The following PATJ variants were observed in gnomAD, a reference collection of about 807,000 sequenced individuals.
PATJ encodes the protein inaD-like protein.
Under a neutral mutation model 224.9 loss-of-function variants are expected in PATJ, and 190 were observed. That is an observed-to-expected ratio of 0.84 (90% CI 0.75 to 0.95). The LOEUF (loss-of-function observed/expected upper bound fraction) is 0.95, where lower values mean the gene tolerates loss of function less well. Ranked by LOEUF, PATJ falls within the 40% of genes least tolerant of loss-of-function variation. The pLI, the probability that PATJ is intolerant of heterozygous loss-of-function variation, is 0.00. For synonymous variants in PATJ, 769 were observed against 820.3 expected, an observed-to-expected ratio of 0.94 and a Z score of 1.07; for missense variants, 2,121 against 2,270.3, an observed-to-expected ratio of 0.93 and a Z score of 1.34.
intron 42 of PATJ, among the ~76,000 whole-genome samples, chr1:62,150,679 G>GAAAAAA (rs56167585): frequency 3.8e-4 from 31 of 81,998 alleles, no homozygotes; most frequent in African/African-American, 5.5e-4. Flanking sequence ...CCTGTCTCAA[G>GAAAAAA]AAAAAAAAAA....
At chr1:62,111,112 G>A (rs1000970136) in intron 34 of PATJ, among the ~76,000 whole-genome samples, 1 of 152,164 alleles carries the variant, frequency 6.6e-6, no homozygotes, top group Non-Finnish European at 1.5e-5. Flanking sequence ...AAATTGCTTT[G>A]TAATATTAGA....
chr1:62,154,423 CTT>C (rs981507598), intron 43 of PATJ, among the ~76,000 whole-genome samples: 1 of 151,848 alleles, frequency 6.6e-6, no homozygotes, highest in African/African-American at 2.4e-5. Flanking sequence ...AATCCCAACA[CTT>C]TGGGAGCCTG....
intron 26 of PATJ, among the ~76,000 whole-genome samples, chr1:61,924,710 T>C (rs1161953905): frequency 1.3e-5 from 2 of 152,234 alleles, no homozygotes; most frequent in African/African-American, 4.8e-5. Flanking sequence ...TCTAATTTAT[T>C]AATATGCTCT....
intron 22 of PATJ, among the ~76,000 whole-genome samples, chr1:61,897,324 T>C (rs1050940473): frequency 3.3e-5 from 5 of 152,196 alleles, no homozygotes; most frequent in Admixed American, 2.0e-4. Context: ...GGGTGTATCA[T>C]TGAGGGATTA....
chr1:61,924,604 C>T (rs2149273891), intron 26 of PATJ, among the ~76,000 whole-genome samples: 1 of 152,200 alleles, frequency 6.6e-6, no homozygotes. Context: ...TAACTTTAGT[C>T]AACTATTTTC....
chr1:61,920,552 A>G (rs909733806), intron 26 of PATJ, among the ~76,000 whole-genome samples: 1 of 152,130 alleles, frequency 6.6e-6, no homozygotes, highest in African/African-American at 2.4e-5. Flanking sequence ...TATTAGCAGC[A>G]TGAAAACGGA....
intron 27 of PATJ, among the ~76,000 whole-genome samples, chr1:61,985,526 C>T (rs1644706916): frequency 6.6e-6 from 1 of 151,958 alleles, no homozygotes; most frequent in Admixed American, 6.6e-5. Context: ...ATTGTACAAC[C>T]ATCCATCTCC....
At chr1:62,144,770 AAAAAAAAATATAT>A (rs1558231213) in intron 41 of PATJ, among the ~76,000 whole-genome samples, 1 of 60,562 alleles carries the variant, frequency 1.7e-5, no homozygotes. Context: ...TATTTGCAAA[AAAAAAAAATATAT>A]ATATATATAT....
intron 41 of PATJ, among the ~76,000 whole-genome samples, chr1:62,136,947 A>G (rs934961955): frequency 2.6e-5 from 4 of 152,046 alleles, no homozygotes; most frequent in Non-Finnish European, 5.9e-5. Context: ...TTTCGCAGGA[A>G]CCTTTAGGAG....
rs564740792 is a variant in PATJ, at chr1:62,077,053, T to C, written c.4126-2397T>C. ...ATTTGATTACTCTACCACCCTCAAA[T>C]GGTGGCATCCATTCTTTAGTTTAAG... On this transcript the variant is annotated intron_variant, in intron 31 of 43. Transcript: ENST00000642238. Among the ~76,000 whole-genome samples, 135 of 152,320 alleles carry C rather than the reference T, an allele frequency of 8.9e-4. 3 individuals carry two copies. In the South Asian group the frequency reaches 0.024, roughly 27 times the overall value.
rs937180086 is a variant in PATJ at position 61,917,133 on chromosome 1, G to T, written c.3570+2469G>T. 3.9e-5 allele frequency among the ~76,000 whole-genome samples: 6 copies of T among 152,158 alleles called. 1 individual carries two copies. The highest frequency in any genetic ancestry group is 4.4e-5 in the Non-Finnish European group (3 of 68,032). On this transcript the variant is annotated intron_variant, in intron 26 of 43. Transcript: ENST00000642238. ...TTTGTTGGTTTTGCAAAGATGGTCT[G>T]GTCCCTAGGCAAGTAGGGGGTTTGT... is the stretch of plus-strand genomic sequence containing the variant.
At chr1:62,011,165 A>C (rs1464129305) in intron 28 of PATJ, among the ~76,000 whole-genome samples, 1 of 152,224 alleles carries the variant, frequency 6.6e-6, no homozygotes, top group Non-Finnish European at 1.5e-5. Flanking sequence ...TGTTCGCTGG[A>C]GTGGCACTTT....
intron 27 of PATJ, among the ~76,000 whole-genome samples, chr1:61,981,673 CTTTT>C (rs775417916): frequency 1.4e-5 from 2 of 138,592 alleles, no homozygotes; most frequent in Non-Finnish European, 1.6e-5. Context: ...TGTTGTGATT[CTTTT>C]TTTTTTTTTT....
chr1:62,144,796 A>ATATATATATAT (rs1204098847), intron 41 of PATJ, among the ~76,000 whole-genome samples: 2 of 145,054 alleles, frequency 1.4e-5, no homozygotes, highest in Admixed American at 7.0e-5. Context: ...ATATATATAT[A>ATATATATATAT]ATTAGCAGAA....
At chr1:62,156,946 T>C (rs560764076) in intron 43 of PATJ, among the ~76,000 whole-genome samples, 1 of 151,320 alleles carries the variant, frequency 6.6e-6, no homozygotes, top group South Asian at 2.1e-4. Flanking sequence ...AAACTTAGGA[T>C]ACCAAAAAGA....
chr1:61,958,664 G>T (rs987227714), intron 27 of PATJ, among the ~76,000 whole-genome samples: 3 of 152,094 alleles, frequency 2.0e-5, no homozygotes, highest in African/African-American at 7.2e-5. Flanking sequence ...GTTGAATTTT[G>T]ATTTTCCTCA....
Position 61,769,362 on chromosome 1 carries a change from A to C in PATJ, c.464A>C (p.Gln155Pro). 6.2e-7 allele frequency: 1 copy of C among 1,614,154 alleles called. No individual in the cohort carries two copies. Among genetic ancestry groups the C allele is most frequent in the Non-Finnish European group, 8.5e-7 (1 of 1,180,002 alleles). The change falls in exon 5 of 44, where the codon CAA (glutamine) becomes CCA (proline). Residue 155 changes from glutamine to proline, a missense_variant. Transcript: ENST00000642238. ...TTCAGTGTGGTGGCCCTCAGAAGTC[A>C]AAATCTCGGAAAAGTTGATATCTTC... ...LGFSVVALRS[Q>P]NLGKVDIFVK...
intron 7 of PATJ, among the ~76,000 whole-genome samples, chr1:61,777,821 C>T (rs1007429810): frequency 3.4e-5 from 5 of 149,114 alleles, no homozygotes; most frequent in Non-Finnish European, 5.9e-5. Context: ...AGTCCTCCTA[C>T]CTCAGTCTCC....
intron 35 of PATJ, among the ~76,000 whole-genome samples, chr1:62,115,433 T>G (rs2481681): frequency 0.92 from 139,713 of 151,914 alleles, 64,432 homozygotes; most frequent in East Asian, 1. Flanking sequence ...AGGAGTTCAA[T>G]ATCAGTCTGG....
Sources: allele counts gnomAD v4.1 joint callset (sites outside exome capture counted in the v4.1 genomes callset), GRCh38; gene constraint gnomAD v4.1.1; transcripts MANE v1.5; gene names NCBI Gene and HGNC (gene_info 2026-07-23, HGNC 2026-07-21).